The following NLGN1 variants were observed in gnomAD, a reference collection of about 807,000 sequenced individuals.
NLGN1 encodes neuroligin 1.
A neutral mutation model predicts 65.5 loss-of-function variants in NLGN1; 12 were observed. That is an observed-to-expected ratio of 0.18 (90% CI 0.12 to 0.30). NLGN1 has a LOEUF of 0.30. NLGN1 is among the 10% of genes least tolerant of loss of function. The pLI, the probability that NLGN1 is intolerant of heterozygous loss-of-function variation, is 1.00. For missense variants in NLGN1, 750 were observed against 1,007.1 expected (o/e 0.74, Z 3.46); for synonymous variants, 350 against 359.5 (o/e 0.97, Z 0.30).
At chr3:173,419,103 A>G (rs143389583) in intron 1 of NLGN1, among the ~76,000 whole-genome samples, 152 of 97,972 alleles carry the variant, frequency 1.6e-3, no homozygotes, top group African/African-American at 6.0e-3. Context: ...CTATCTATCT[A>G]TCTATATATA....
At chr3:173,528,430 AG>A (rs1156746051) in intron 2 of NLGN1, among the ~76,000 whole-genome samples, 1 of 152,168 alleles carries the variant, frequency 6.6e-6, no homozygotes, top group African/African-American at 2.4e-5. Flanking sequence ...ATATTCATCT[AG>A]TATAGTAACA....
intron 4 of NLGN1, among the ~76,000 whole-genome samples, chr3:174,038,168 G>GAT (rs1406728205): frequency 1.3e-5 from 2 of 152,110 alleles, no homozygotes; most frequent in East Asian, 3.9e-4. Context: ...TTCTTGTCAG[G>GAT]TTTTTGCTTT....
At chr3:174,116,658 C>T (rs1159763391) in intron 4 of NLGN1, among the ~76,000 whole-genome samples, 2 of 151,916 alleles carry the variant, frequency 1.3e-5, no homozygotes, top group Non-Finnish European at 2.9e-5. Flanking sequence ...ATTTTTAGAA[C>T]TCATAGACTA....
chr3:173,639,808 C>G (rs977268175), intron 3 of NLGN1, among the ~76,000 whole-genome samples: 2 of 152,170 alleles, frequency 1.3e-5, no homozygotes, highest in African/African-American at 4.8e-5. Context: ...ATAATGTTCA[C>G]TAAGCAATTG....
intron 2 of NLGN1, among the ~76,000 whole-genome samples, chr3:173,583,996 C>T (rs956724790): frequency 6.6e-6 from 1 of 151,482 alleles, no homozygotes; most frequent in South Asian, 2.1e-4. Context: ...GAAACAAATA[C>T]AATTGCTTTG....
chr3:174,176,940 A>G (rs763594110), intron 4 of NLGN1, among the ~76,000 whole-genome samples: 3 of 152,072 alleles, frequency 2.0e-5, no homozygotes, highest in Non-Finnish European at 4.4e-5. Context: ...GTAACTGTGC[A>G]GTGCTAAGTT....
intron 4 of NLGN1, among the ~76,000 whole-genome samples, chr3:173,943,097 A>G (rs1414058819): frequency 6.6e-6 from 1 of 151,950 alleles, no homozygotes; most frequent in African/African-American, 2.4e-5. Flanking sequence ...ATGGTGGCAC[A>G]TGCTTGTGAT....
At chr3:173,884,050 GA>G (rs1212179155) in intron 4 of NLGN1, among the ~76,000 whole-genome samples, 1 of 150,676 alleles carries the variant, frequency 6.6e-6, no homozygotes, top group Non-Finnish European at 1.5e-5. Flanking sequence ...ATTTCTTACT[GA>G]CTTTTTTTTT....
chr3:173,621,887 A>G (rs1487683732), intron 3 of NLGN1, among the ~76,000 whole-genome samples: 4 of 152,088 alleles, frequency 2.6e-5, no homozygotes, highest in African/African-American at 9.7e-5. Flanking sequence ...ATGGGAATGA[A>G]TTTACCATTC....
At chr3:173,666,233 T>G (rs552147224) in intron 3 of NLGN1, among the ~76,000 whole-genome samples, 2 of 152,284 alleles carry the variant, frequency 1.3e-5, no homozygotes, top group African/African-American at 4.8e-5. Flanking sequence ...AAAATCACTA[T>G]GACACTATCA....
chr3:173,604,405 G>A lies in NLGN1; in HGVS notation c.-194G>A, dbSNP rs1194755561. The A allele has an allele frequency of 1.5e-6, 1 of 658,370 alleles. No individual in the cohort carries two copies. The highest frequency in any genetic ancestry group is 2.5e-5 in the East Asian group (1 of 39,468). The allele number at this position is 658,370 out of a possible 1,614,324, so 40.8% of individuals were successfully genotyped here. ...AGGATATGGTCTGATAAATAGTGAT[G>A]ATTGAAGATGCTGCTCCAATACATG... On this transcript the variant is annotated 5_prime_UTR_variant, in exon 3 of 7. It removes an upstream start codon present in the reference 5' UTR. Transcript: ENST00000457714.
chr3:173,795,925 A>G (rs879597032), intron 3 of NLGN1, among the ~76,000 whole-genome samples: 6 of 152,122 alleles, frequency 3.9e-5, no homozygotes, highest in Admixed American at 3.9e-4. Flanking sequence ...TCAAGAGGAC[A>G]GGGGAAAAAA....
intron 4 of NLGN1, among the ~76,000 whole-genome samples, chr3:174,247,489 C>T (rs905333353): frequency 2.0e-5 from 3 of 152,134 alleles, no homozygotes; most frequent in African/African-American, 7.2e-5. Flanking sequence ...TTTAACAGGT[C>T]TTTCTTCTTC....
chr3:173,650,153 A>C (rs1758917925), intron 3 of NLGN1, among the ~76,000 whole-genome samples: 1 of 152,066 alleles, frequency 6.6e-6, no homozygotes, highest in Non-Finnish European at 1.5e-5. Flanking sequence ...TTTTAACTTA[A>C]TACATCTTAG....
chr3:173,642,109 A>T (rs911441392), intron 3 of NLGN1, among the ~76,000 whole-genome samples: 1 of 152,062 alleles, frequency 6.6e-6, no homozygotes, highest in African/African-American at 2.4e-5. Context: ...AGTAACAGAG[A>T]CTGGATCTAC....
chr3:173,585,721 G>A (rs535014501), intron 2 of NLGN1, among the ~76,000 whole-genome samples: 1 of 152,352 alleles, frequency 6.6e-6, no homozygotes, highest in East Asian at 1.9e-4. Context: ...AGTGCGCCAG[G>A]CAGACGGCTG....
intron 1 of NLGN1, among the ~76,000 whole-genome samples, chr3:173,428,641 A>G (rs1443391633): frequency 6.6e-6 from 1 of 151,938 alleles, no homozygotes. Context: ...TTTTTGATAA[A>G]TTTGTCTTTT....
intron 2 of NLGN1, among the ~76,000 whole-genome samples, chr3:173,461,685 C>T (rs1038178159): frequency 2.0e-5 from 3 of 151,844 alleles, no homozygotes; most frequent in Admixed American, 1.3e-4. Context: ...GAATCATGTC[C>T]GGTTACTCAC....
At chr3:174,239,152 T>C (rs1387298264) in intron 4 of NLGN1, among the ~76,000 whole-genome samples, 2 of 152,072 alleles carry the variant, frequency 1.3e-5, no homozygotes, top group Admixed American at 1.3e-4. Context: ...CACTGCAACC[T>C]CCGCCTCCCG....
Sources: gnomAD v4.1 joint callset for allele counts (sites outside exome capture counted in the v4.1 genomes callset) on GRCh38, gnomAD v4.1.1 for gene constraint, MANE v1.5 for transcripts, NCBI Gene and HGNC (gene_info 2026-07-23, HGNC 2026-07-21) for gene names.